PCDH15: variants seen among roughly 807,000 people sequenced by gnomAD.
PCDH15 encodes the protein protocadherin related 15.
In PCDH15, 129 loss-of-function variants were observed where a neutral mutation model predicts 178.5. The observed-to-expected ratio is 0.72, with a 90% CI of 0.63 to 0.84. PCDH15 has a LOEUF of 0.84. PCDH15 is among the 40% of genes least tolerant of loss of function. The pLI, the probability that PCDH15 is intolerant of heterozygous loss-of-function variation, is 0.00. For synonymous variants in PCDH15, 800 were observed against 732.0 expected (o/e 1.09, Z -1.50); for missense variants, 2,230 against 2,099.9 (o/e 1.06, Z -1.21).
At chr10:54,965,893 C>T (rs1450072705) in intron 2 of PCDH15, among the ~76,000 whole-genome samples, 2 of 150,684 alleles carry the variant, frequency 1.3e-5, no homozygotes, top group East Asian at 1.9e-4. Flanking sequence ...CATATATATG[C>T]ACACATATAA....
chr10:55,215,212 A>G (rs1334392736), intron 1 of PCDH15, among the ~76,000 whole-genome samples: 1 of 152,158 alleles, frequency 6.6e-6, no homozygotes, highest in Non-Finnish European at 1.5e-5. Context: ...ACAACATTAA[A>G]TATTTTAAAA....
At chr10:54,148,563 T>G (rs558317079) in intron 14 of PCDH15, among the ~76,000 whole-genome samples, 2 of 152,190 alleles carry the variant, frequency 1.3e-5, no homozygotes, top group East Asian at 3.9e-4. Context: ...TTGAATCTAC[T>G]GATGTGGAAG....
upstream of PCDH15, among the ~76,000 whole-genome samples, chr10:54,801,694 A>AAAAAC (rs16914937): frequency 8.5e-4 from 130 of 152,248 alleles, 1 homozygote; most frequent in East Asian, 0.024. Flanking sequence ...TTTGGGGCAT[A>AAAAAC]AAAACAAAAC....
chr10:53,964,903 A>T (rs959580701), intron 21 of PCDH15, among the ~76,000 whole-genome samples: 1 of 152,192 alleles, frequency 6.6e-6, no homozygotes, highest in African/African-American at 2.4e-5. Flanking sequence ...GCACAGTGTC[A>T]TGCAATGTCA....
At chr10:54,562,166 T>C (rs556853035) in intron 2 of PCDH15, among the ~76,000 whole-genome samples, 12 of 151,660 alleles carry the variant, frequency 7.9e-5, no homozygotes, top group African/African-American at 2.4e-4. Context: ...AATTTTTGTG[T>C]TTTTAGTAGA....
intron 1 of PCDH15, among the ~76,000 whole-genome samples, chr10:55,284,301 A>G (rs886278717): frequency 1.3e-5 from 2 of 152,136 alleles, no homozygotes; most frequent in African/African-American, 4.8e-5. Context: ...GACTGATAGT[A>G]TACTCAATTT....
At chr10:55,262,401 C>T (rs1842168575) in intron 1 of PCDH15, among the ~76,000 whole-genome samples, 1 of 152,166 alleles carries the variant, frequency 6.6e-6, no homozygotes, top group South Asian at 2.1e-4. Flanking sequence ...ACCACCCTGG[C>T]CCACCATGCT....
At chr10:55,115,455 A>G (rs1413264292) in intron 2 of PCDH15, among the ~76,000 whole-genome samples, 3 of 152,154 alleles carry the variant, frequency 2.0e-5, no homozygotes, top group Non-Finnish European at 4.4e-5. Flanking sequence ...TGTGCATACT[A>G]TTTGGTGGAC....
At chr10:54,479,210 C>G (rs1414139179) in intron 3 of PCDH15, among the ~76,000 whole-genome samples, 6 of 151,712 alleles carry the variant, frequency 4.0e-5, no homozygotes, top group Non-Finnish European at 8.8e-5. Flanking sequence ...TTCTGACATT[C>G]CTTTTGAATT....
intron 3 of PCDH15, among the ~76,000 whole-genome samples, chr10:54,386,908 A>G (rs981013033): frequency 1.9e-4 from 29 of 152,154 alleles, no homozygotes; most frequent in African/African-American, 7.0e-4. Context: ...CACAAAAGAA[A>G]CAAGTTCAAG....
chr10:54,654,045 T>C (rs904574495), intron 2 of PCDH15, among the ~76,000 whole-genome samples: 1 of 152,222 alleles, frequency 6.6e-6, no homozygotes, highest in South Asian at 2.1e-4. Context: ...ATATTATTTA[T>C]TATTGTCACC....
In PCDH15 at chr10:55,181,125, G is replaced by C. The variant is rs376993765; in HGVS notation, c.-155-14474C>G. 6.5e-4 allele frequency among the ~76,000 whole-genome samples: 99 copies of C among 151,982 alleles called. 1 individual carries two copies. The South Asian group carries it at 0.02, about 31-fold the overall frequency. On this transcript the variant is annotated intron_variant, in intron 1 of 5. Coordinates refer to the PCDH15 transcript ENST00000458638. Reference sequence around the variant, plus strand: ...ATATGTGAAGAGAATAGAAGTCTGAGGGAAAAATCATTTCAGGTGGCAAGA... The same window carrying C: ...ATATGTGAAGAGAATAGAAGTCTGACGGAAAAATCATTTCAGGTGGCAAGA...
At chr10:55,386,885 G>A (rs112736592) in intron 2 of PCDH15, among the ~76,000 whole-genome samples, 1,584 of 152,152 alleles carry the variant, frequency 0.01, 29 homozygotes, top group African/African-American at 0.036. Context: ...CTTCTTAGGT[G>A]TACAAATTAA....
intron 2 of PCDH15, among the ~76,000 whole-genome samples, chr10:54,959,394 G>A (rs1838583978): frequency 6.6e-6 from 1 of 151,880 alleles, no homozygotes; most frequent in Admixed American, 6.6e-5. Flanking sequence ...CCACCATTTT[G>A]CAAACTCTAA....
intron 2 of PCDH15, among the ~76,000 whole-genome samples, chr10:55,595,711 A>T (rs1842924442): frequency 6.6e-6 from 1 of 152,104 alleles, no homozygotes; most frequent in African/African-American, 2.4e-5. Flanking sequence ...CGTTAAGATT[A>T]TTAAAGAACC....
chr10:55,553,862 C>A (rs1193175838), intron 2 of PCDH15, among the ~76,000 whole-genome samples: 1 of 151,782 alleles, frequency 6.6e-6, no homozygotes, highest in Non-Finnish European at 1.5e-5. Flanking sequence ...GATATCTATA[C>A]GTCCTTAAAG....
intron 1 of PCDH15, among the ~76,000 whole-genome samples, chr10:55,195,638 G>T (rs1739031088): frequency 7.5e-6 from 1 of 132,926 alleles, no homozygotes; most frequent in Admixed American, 8.1e-5. Flanking sequence ...CTGGGTGACA[G>T]AGGGAAACTC....
At chr10:54,016,459 A>G (rs10763052) in intron 20 of PCDH15, among the ~76,000 whole-genome samples, 62,321 of 151,952 alleles carry the variant, frequency 0.41, 14,309 homozygotes, top group Middle Eastern at 0.65. Context: ...ACAGTAATAA[A>G]GACATGAAAT....
intron 2 of PCDH15, among the ~76,000 whole-genome samples, chr10:54,931,520 G>T (rs1354929720): frequency 6.6e-6 from 1 of 152,114 alleles, no homozygotes; most frequent in Non-Finnish European, 1.5e-5. Flanking sequence ...TTGGTGTATA[G>T]GCAGATTTGT....
Sources: gnomAD v4.1 joint callset for allele counts (sites outside exome capture counted in the v4.1 genomes callset) on GRCh38, gnomAD v4.1.1 for gene constraint, MANE v1.5 for transcripts, NCBI Gene and HGNC (gene_info 2026-07-23, HGNC 2026-07-21) for gene names.